The following VDR variants were observed in gnomAD, a reference collection of about 807,000 sequenced individuals.
VDR encodes vitamin D3 receptor.
A neutral mutation model predicts 39.7 loss-of-function variants in VDR; 19 were observed. The ratio of observed to expected loss-of-function variants is 0.48; its 90% CI spans 0.33 to 0.70. The LOEUF is 0.70. Among genes scored for constraint, VDR ranks in the 30% least tolerant of loss-of-function variants. The pLI, the probability that VDR is intolerant of heterozygous loss-of-function variation, is 0.02. For synonymous variants in VDR, 242 were observed against 215.8 expected, an observed-to-expected ratio of 1.12 and a Z score of -1.07; for missense variants, 442 against 570.5, an observed-to-expected ratio of 0.77 and a Z score of 2.29.
chr12:47,876,922 G>T (rs1946019428), intron 3 of VDR, among the ~76,000 whole-genome samples: 1 of 152,228 alleles, frequency 6.6e-6, no homozygotes. Context: ...GAATCTCAGG[G>T]GGGAGGAGGC....
chr12:47,853,422 G>A lies in VDR; in HGVS notation c.755+2208C>T, dbSNP rs189890980. On this transcript the variant is annotated intron_variant, in intron 7 of 9. Transcript: ENST00000549336. ...CATGCCACTGCACTCCAGCCTAGGC[G>A]ACAGAGCGAGACTCTGCCTCAATTA... Among the ~76,000 whole-genome samples, 756 of 143,542 alleles carry A rather than the reference G, an allele frequency of 5.3e-3. 4 individuals are homozygous for A. Among genetic ancestry groups the A allele is most frequent in the Admixed American group, 0.011 (146 of 13,896 alleles). 94.2% of individuals were successfully genotyped at this position (143,542 alleles called of 152,430 possible). A position where few individuals can be genotyped will look rare whatever the true frequency, so the allele number is the denominator to read the frequency against.
At chr12:47,881,937 TA>T (rs1592139227) in intron 2 of VDR, among the ~76,000 whole-genome samples, 1 of 152,144 alleles carries the variant, frequency 6.6e-6, no homozygotes, top group East Asian at 1.9e-4. Flanking sequence ...GTGGTGTTGC[TA>T]CAGAGTCTGG....
chr12:47,863,579 T>C (rs1945667761), intron 4 of VDR, among the ~76,000 whole-genome samples: 1 of 152,176 alleles, frequency 6.6e-6, no homozygotes. Context: ...AGAATGTGTG[T>C]GAAGCCTCTT....
intron 1 of VDR, among the ~76,000 whole-genome samples, chr12:47,901,842 G>A (rs988819343): frequency 2.0e-5 from 3 of 152,194 alleles, no homozygotes; most frequent in Non-Finnish European, 4.4e-5. Context: ...GTTGGGGTGG[G>A]GCAGGAAAAC....
intron 3 of VDR, 98 bp from the exon 4 acceptor site, chr12:47,865,275 TTCTCCA>T: frequency 6.3e-7 from 1 of 1,576,644 alleles, no homozygotes; most frequent in Non-Finnish European, 8.6e-7. Context: ...TGGTCTCCAT[TTCTCCA>T]ACAGAAGACA....
chr12:47,877,919 A>G (rs1354456040), intron 3 of VDR, among the ~76,000 whole-genome samples: 1 of 152,090 alleles, frequency 6.6e-6, no homozygotes, highest in Non-Finnish European at 1.5e-5. Context: ...AGGCCATGAA[A>G]CTCTGGGCCT....
chr12:47,864,540 G>T (rs1655054187), intron 4 of VDR, among the ~76,000 whole-genome samples: 1 of 152,198 alleles, frequency 6.6e-6, no homozygotes, highest in Non-Finnish European at 1.5e-5. Flanking sequence ...GCTGGGGTGG[G>T]ACAGAACGTG....
intron 1 of VDR, among the ~76,000 whole-genome samples, chr12:47,887,467 C>T (rs777777049): frequency 1.3e-5 from 2 of 151,900 alleles, no homozygotes; most frequent in Non-Finnish European, 2.9e-5. Flanking sequence ...AAAAATAGAA[C>T]ACTCTATAAT....
intron 3 of VDR, among the ~76,000 whole-genome samples, chr12:47,870,333 C>G (rs114151452): frequency 1.5e-3 from 231 of 152,320 alleles, no homozygotes; most frequent in African/African-American, 5.3e-3. Context: ...TGCCTTCCTC[C>G]CAATACTAAT....
chr12:47,893,823 A>G (rs1946414777), intron 1 of VDR, among the ~76,000 whole-genome samples: 1 of 152,226 alleles, frequency 6.6e-6, no homozygotes, highest in African/African-American at 2.4e-5. Context: ...AGCACCTCAC[A>G]TGCAGATAGG....
At chr12:47,861,170 C>T (rs141413867) in intron 4 of VDR, among the ~76,000 whole-genome samples, 2 of 152,378 alleles carry the variant, frequency 1.3e-5, no homozygotes, top group African/African-American at 2.4e-5. Flanking sequence ...TGGTTATAAG[C>T]GGACTTTGGC....
At chr12:47,869,748 T>A (rs1188320666) in intron 3 of VDR, among the ~76,000 whole-genome samples, 1 of 151,914 alleles carries the variant, frequency 6.6e-6, no homozygotes, top group Non-Finnish European at 1.5e-5. Flanking sequence ...TTAAAAAAAA[T>A]TAGCCAGGCA....
chr12:47,882,622 T>TTCCCC, intron 2 of VDR, 72 bp downstream of exon 2: 11 of 603,840 alleles, frequency 1.8e-5, no homozygotes, highest in Non-Finnish European at 2.4e-5. Flanking sequence ...CACCTTCTTA[T>TTCCCC]GCCCCTCCCC....
chr12:47,864,044 C>G (rs1326520198), intron 4 of VDR, among the ~76,000 whole-genome samples: 1 of 152,208 alleles, frequency 6.6e-6, no homozygotes, highest in East Asian at 1.9e-4. Context: ...ACATCCCCAC[C>G]CCGACTCCGA....
Position 47,844,871 on chromosome 12 carries a change from G to A in VDR, c.1159C>T (p.Leu387=). 1.2e-6 allele frequency: 2 copies of A among 1,614,216 alleles called. No individual in the cohort carries two copies. Among genetic ancestry groups the A allele is most frequent in the East Asian group, 2.2e-5 (1 of 44,884 alleles). The change falls in exon 10 of 10, where the codon CTA becomes TTA. Residue 387 remains leucine (L), a synonymous_variant. Coordinates refer to ENST00000549336, the MANE Select transcript of VDR (RefSeq NM_000376.3). ...HLLYAKMIQK[L]ADLRSLNEEH... is the part of the protein sequence containing the mutation. ...TCATTGAGGCTGCGCAGGTCGGCTA[G>A]CTTCTGGATCATCTTGGCATAGAGC...
chr12:47,850,556 C>G (rs374217942), intron 7 of VDR, among the ~76,000 whole-genome samples: 2 of 152,060 alleles, frequency 1.3e-5, no homozygotes, highest in East Asian at 3.9e-4. Context: ...CTGCTAGGAA[C>G]ACAAACCCAA....
At chr12:47,886,404 G>A (rs1444960884) in intron 1 of VDR, among the ~76,000 whole-genome samples, 1 of 152,136 alleles carries the variant, frequency 6.6e-6, no homozygotes, top group Non-Finnish European at 1.5e-5. Context: ...GCCAGCTAAG[G>A]TGATACCCTC....
intron 9 of VDR, 94 bp downstream of exon 9, chr12:47,846,240 TC>T: frequency 9.8e-7 from 1 of 1,023,078 alleles, no homozygotes; most frequent in Non-Finnish European, 1.5e-6. Flanking sequence ...TTGCTACGTC[TC>T]CCTTCAGGTT....
chr12:47,873,346 G>GTTTTTTTTTTT (rs1945924855), intron 3 of VDR, among the ~76,000 whole-genome samples: 1 of 80,534 alleles, frequency 1.2e-5, no homozygotes, highest in African/African-American at 4.9e-5. Context: ...AATTAAACCT[G>GTTTTTTTTTTT]TTTTCTTTTT....
Sources: gnomAD v4.1 joint callset for allele counts (sites outside exome capture counted in the v4.1 genomes callset) on GRCh38, gnomAD v4.1.1 for gene constraint, MANE v1.5 for transcripts, NCBI Gene and HGNC (gene_info 2026-07-23, HGNC 2026-07-21) for gene names.